GRIN1: variants seen among roughly 807,000 people sequenced by gnomAD.
The protein encoded by GRIN1 is glutamate ionotropic receptor NMDA type subunit 1, also known as glutamate receptor ionotropic, NMDA 1.
In GRIN1, 38 loss-of-function variants were observed where a neutral mutation model predicts 103.0. The ratio of observed to expected loss-of-function variants is 0.37; its 90% confidence interval spans 0.28 to 0.48. The LOEUF is 0.48. Among genes scored for constraint, GRIN1 ranks in the 20% least tolerant of loss-of-function variants. The pLI is 0.98. For missense variants in GRIN1, 577 were observed against 1,288.9 expected, an observed-to-expected ratio of 0.45 and a Z score of 8.46; for synonymous variants, 544 against 532.7, an observed-to-expected ratio of 1.02 and a Z score of -0.29.
intron 4 of GRIN1, among the ~76,000 whole-genome samples, 154 bp downstream of exon 4, chr9:137,149,263 C>A (rs983902381): frequency 2.0e-5 from 3 of 152,176 alleles, no homozygotes; most frequent in Non-Finnish European, 4.4e-5. Context: ...CCCACCCGCA[C>A]CCACACTCCT....
chr9:137,166,453 T>C (rs1300238511), intron 19 of GRIN1, among the ~76,000 whole-genome samples: 2 of 152,172 alleles, frequency 1.3e-5, no homozygotes, highest in Non-Finnish European at 2.9e-5. Context: ...CCCCAGCCCA[T>C]AAGCAGCATC....
chr9:137,163,063 C>A, intron 15 of GRIN1, 60 bp downstream of exon 15: 1 of 1,560,110 alleles, frequency 6.4e-7, no homozygotes, highest in Non-Finnish European at 8.6e-7. Context: ...GGAGGGTGGC[C>A]TCCACCGGGC....
intron 8 of GRIN1, among the ~76,000 whole-genome samples, chr9:137,160,766 G>C (rs1004894710): frequency 6.6e-6 from 1 of 152,196 alleles, no homozygotes; most frequent in African/African-American, 2.4e-5. Flanking sequence ...AGAAAAAGTG[G>C]CCAAGAGAAG....
chr9:137,162,903 A>G lies in GRIN1; in HGVS notation c.2071A>G (p.Ile691Val). ...CACGGTGAAGCAGAGCTCCGTGGAT[A>G]TCTACTTCCGGCGCCAGGTGGAGCT... ...YATVKQSSVD[I>V]YFRRQVELST... is the part of the protein sequence containing the mutation. The change falls in exon 15 of 20, where the codon ATC becomes GTC. Residue 691 changes from isoleucine to valine, a missense_variant. By Grantham distance (29) the Ile-to-Val change is conservative (BLOSUM62 3). This residue lies in a region of GRIN1 where 59 missense variants were observed against 161.3 expected (regional missense o/e 0.37). Transcript: ENST00000371561. 6.2e-7 allele frequency: 1 copy of G among 1,611,438 alleles called. No individual in the cohort carries two copies. Among genetic ancestry groups the G allele is most frequent in the Non-Finnish European group, 8.5e-7 (1 of 1,179,390 alleles).
At chr9:137,148,641 T>A (rs1832678028) in intron 3 of GRIN1, among the ~76,000 whole-genome samples, 1 of 152,234 alleles carries the variant, frequency 6.6e-6, no homozygotes, top group Non-Finnish European at 1.5e-5. Flanking sequence ...TTTTCCTGGT[T>A]GCATTCCAAA....
At chr9:137,140,072 G>C (rs1174376168) in intron 1 of GRIN1, among the ~76,000 whole-genome samples, 1 of 152,136 alleles carries the variant, frequency 6.6e-6, no homozygotes, top group Non-Finnish European at 1.5e-5. Context: ...GAGTAGAAGC[G>C]CCTGTCCAGC....
intron 19 of GRIN1, 56 bp downstream of exon 19, chr9:137,165,352 G>T: frequency 9.2e-7 from 1 of 1,092,490 alleles, no homozygotes; most frequent in South Asian, 1.2e-5. Context: ...TGCCCTGCGT[G>T]TGTCTCCCGC....
intron 6 of GRIN1, among the ~76,000 whole-genome samples, chr9:137,157,251 GGTCGCTTCCAGGAGGTGGGCGGC>G (rs1440984137): frequency 3.3e-5 from 5 of 151,942 alleles, no homozygotes; most frequent in Admixed American, 1.3e-4. Context: ...AGGTGGGCGG[GGTCGCTTCCAGGAGGTGGGCGGC>G]GTCGCTCTCA....
chr9:137,165,647 G>A (rs1833833748), intron 19 of GRIN1, among the ~76,000 whole-genome samples: 1 of 152,196 alleles, frequency 6.6e-6, no homozygotes, highest in South Asian at 2.1e-4. Flanking sequence ...GCCCAGCGTG[G>A]CCCCATCCTG....
At chr9:137,142,248 C>A (rs1424547800) in intron 2 of GRIN1, 101 bp downstream of exon 2, 6 of 1,180,878 alleles carry the variant, frequency 5.1e-6, no homozygotes, top group Non-Finnish European at 7.5e-6. Flanking sequence ...GGAACTCACA[C>A]ACCACAAACA....
chr9:137,140,448 C>G (rs1022671465), intron 1 of GRIN1, among the ~76,000 whole-genome samples: 1 of 152,234 alleles, frequency 6.6e-6, no homozygotes, highest in African/African-American at 2.4e-5. Context: ...AGCCTAGCAC[C>G]GCTCACACGT....
In GRIN1 at chr9:137,165,307, G is replaced by A. The variant is rs199870929; in HGVS notation, c.2700+11G>A. On this transcript the variant is annotated intron_variant, in intron 19 of 19. Transcript: ENST00000371561. Reference sequence around the variant, plus strand: ...TCCTCCAAAGACACGGTAAGGGGGAGAGCACCCCAGTCCCGCGTCCGACTC... The same window carrying A: ...TCCTCCAAAGACACGGTAAGGGGGAAAGCACCCCAGTCCCGCGTCCGACTC... 8 of 1,526,472 alleles carry A rather than the reference G, an allele frequency of 5.2e-6. No homozygotes were observed. The highest frequency in any genetic ancestry group is 7.3e-6 in the Non-Finnish European group (8 of 1,102,384). The allele number at this position is 1,526,472 out of a possible 1,614,324, so 94.6% of individuals were successfully genotyped here. A position where few individuals can be genotyped will look rare whatever the true frequency, so the allele number is the denominator to read the frequency against.
chr9:137,162,248 T>C lies in GRIN1; in HGVS notation c.1709T>C (p.Val570Ala). Residue 570 changes from valine to alanine, a missense_variant, in exon 12 of 20, where the codon GTG becomes GCG. Val to Ala is a moderately conservative substitution (Grantham distance 64). This residue lies in a region of GRIN1 where 13 missense variants were observed against 83.5 expected (regional missense o/e 0.16). Transcript: ENST00000371561. ...STLWLLVGLS[V>A]HVVAVMLYLL... ...CTGTGGCTGCTGGTGGGGCTGTCGG[T>C]GCACGTGGTGGCCGTGATGCTGTAC... 1 of 1,544,866 alleles carries C rather than the reference T, an allele frequency of 6.5e-7. No individual in the cohort carries two copies.
At position 137,142,266 on chromosome 9, in the gene GRIN1, A is replaced by G. The variant is rs1019035325; in HGVS notation, c.393+119A>G. ...ACTCACACACCACAAACAGCCACAC[A>G]GCTCCCCCACATTCATGCACGTCCA... On this transcript the variant is annotated intron_variant, in intron 2 of 19. Coordinates refer to ENST00000371561, the MANE Select transcript of GRIN1 (RefSeq NM_007327.4). The G allele has an allele frequency of 1.8e-5, 18 of 975,260 alleles. No individual in the cohort carries two copies. The African/African-American group carries it at 2.1e-4, about 11-fold the overall frequency. The allele number at this position is 975,260 out of a possible 1,614,324, so 60.4% of individuals were successfully genotyped here.
At chr9:137,160,562 TGGGACTACA>T (rs1833476820) in intron 8 of GRIN1, among the ~76,000 whole-genome samples, 1 of 152,184 alleles carries the variant, frequency 6.6e-6, no homozygotes, top group South Asian at 2.1e-4. Flanking sequence ...CCTGAGTAGC[TGGGACTACA>T]GGTGCCCACC....
At position 137,161,889 on chromosome 9, in the gene GRIN1, C is replaced by T. The variant is rs1199411996; in HGVS notation, c.1468-35C>T. The stretch of plus-strand genomic sequence containing the variant: ...ACCTGTGGCGGGAGCTGGGAGGACG[C>T]TGCCTGCATGCCCGCCGGCTCTGTC... On this transcript the variant is annotated intron_variant, in intron 10 of 19. Transcript: ENST00000371561. 5.2e-6 allele frequency: 8 copies of T among 1,546,520 alleles called. No homozygotes were observed. The African/African-American group carries it at 6.8e-5, about 13-fold the overall frequency.
In GRIN1 at chr9:137,161,101, C is replaced by G. The variant is rs765312689; in HGVS notation, c.1243C>G (p.Leu415Val). The G allele has an allele frequency of 6.2e-7, 1 of 1,612,978 alleles. No homozygotes were observed. The highest frequency in any genetic ancestry group is 8.5e-7 in the Non-Finnish European group (1 of 1,179,924). The change falls in exon 9 of 20, where the codon CTG (leucine) becomes GTG (valine). Residue 415 changes from leucine to valine, a missense_variant. Transcript: ENST00000371561. Reference protein sequence around the residue: ...QEPFVYVKPTLSDGTCKEEFT... With the variant: ...QEPFVYVKPTVSDGTCKEEFT... Reference sequence around the variant, plus strand: ...GCCCTTCGTGTACGTCAAGCCCACGCTGAGTGATGGGACATGCAAGGAGGA... The same window carrying G: ...GCCCTTCGTGTACGTCAAGCCCACGGTGAGTGATGGGACATGCAAGGAGGA...
At chr9:137,144,547 T>TA in intron 2 of GRIN1, among the ~76,000 whole-genome samples, 1 of 151,338 alleles carries the variant, frequency 6.6e-6, no homozygotes, top group Non-Finnish European at 1.5e-5. Context: ...CTCAGCTACT[T>TA]GGGAGGCTGA....
At position 137,139,454 on chromosome 9, in the gene GRIN1, C is replaced by G; in HGVS notation, c.-33C>G. 6.8e-7 allele frequency: 1 copy of G among 1,466,724 alleles called. No homozygotes were observed. The highest frequency in any genetic ancestry group is 9.0e-7 in the Non-Finnish European group (1 of 1,109,220). 90.9% of individuals were successfully genotyped at this position (1,466,724 alleles called of 1,614,324 possible). On this transcript the variant is annotated 5_prime_UTR_variant, in exon 1 of 20. Transcript: ENST00000371561. The surrounding 1 kb of genome is among the most constrained non-coding windows in gnomAD (Gnocchi z 7.7). The stretch of plus-strand genomic sequence containing the variant: ...GGATGCGCCGAGGGCCCCGCGTTCG[C>G]GCCGCGCAGAGCCAGGCCCGCGGCC...
Sources: allele counts gnomAD v4.1 joint callset (sites outside exome capture counted in the v4.1 genomes callset), GRCh38; gene constraint gnomAD v4.1.1; regional missense constraint gnomAD v4.1.1; non-coding constraint Gnocchi (gnomAD v3.1); transcripts MANE v1.5; gene names NCBI Gene and HGNC (gene_info 2026-07-23, HGNC 2026-07-21).